Variants in CFDP1 observed in about 807,000 individuals in gnomAD.
CFDP1 encodes heterochromatin-stabilizing protein CFDP1.
Under a neutral mutation model 40.1 loss-of-function variants are expected in CFDP1, and 31 were observed. The ratio of observed to expected loss-of-function variants is 0.77; its 90% confidence interval spans 0.58 to 1.04. The LOEUF (loss-of-function observed/expected upper bound fraction) is 1.04, where lower values mean the gene tolerates loss of function less well. Ranked by LOEUF, CFDP1 falls within the 50% of genes least tolerant of loss-of-function variation. The pLI, the probability that CFDP1 is intolerant of heterozygous loss-of-function variation, is 0.00. For synonymous variants in CFDP1, 167 were observed against 120.0 expected (o/e 1.39, Z -2.56); for missense variants, 423 against 343.4 (o/e 1.23, Z -1.83).
intron 5 of CFDP1, among the ~76,000 whole-genome samples, chr16:75,317,664 C>T (rs137868387): frequency 1.9e-3 from 296 of 152,310 alleles, no homozygotes; most frequent in African/African-American, 6.5e-3. Flanking sequence ...CAGCTTCTAA[C>T]AAAGACCATA....
At chr16:75,432,110 C>T (rs938736089) in intron 1 of CFDP1, among the ~76,000 whole-genome samples, 1 of 151,130 alleles carries the variant, frequency 6.6e-6, no homozygotes, top group African/African-American at 2.4e-5. Context: ...CGGGGTTTTA[C>T]CATGTTGTCC....
chr16:75,399,056 CAAAAAA>C (rs58692180), intron 4 of CFDP1, among the ~76,000 whole-genome samples: 1 of 98,062 alleles, frequency 1.0e-5, no homozygotes. Context: ...GACTCCGTCT[CAAAAAA>C]AAAAAAAAAA....
intron 5 of CFDP1, among the ~76,000 whole-genome samples, chr16:75,392,780 C>G (rs1200278036): frequency 2.6e-5 from 4 of 152,212 alleles, no homozygotes; most frequent in Non-Finnish European, 5.9e-5. Flanking sequence ...TTATTCCAAA[C>G]CACAGCTTAC....
At chr16:75,410,640 G>A (rs1231522409) in intron 4 of CFDP1, among the ~76,000 whole-genome samples, 2 of 151,914 alleles carry the variant, frequency 1.3e-5, no homozygotes, top group Non-Finnish European at 2.9e-5. Context: ...CAGGCACGGT[G>A]GATCACACCT....
At chr16:75,409,757 T>C (rs548769212) in intron 4 of CFDP1, among the ~76,000 whole-genome samples, 2 of 152,154 alleles carry the variant, frequency 1.3e-5, no homozygotes, top group South Asian at 4.1e-4. Context: ...AACCCAGATA[T>C]AGATGGTGAG....
chr16:75,409,633 G>A (rs780978387), intron 4 of CFDP1, among the ~76,000 whole-genome samples: 5 of 151,992 alleles, frequency 3.3e-5, no homozygotes, highest in African/African-American at 1.2e-4. Context: ...GAGTTATATC[G>A]TGCTACAATG....
chr16:75,416,160 G>C (rs2079202985), intron 1 of CFDP1, among the ~76,000 whole-genome samples: 1 of 152,014 alleles, frequency 6.6e-6, no homozygotes, highest in Admixed American at 6.6e-5. Flanking sequence ...CCTCCAATCA[G>C]CTTTTAAATA....
chr16:75,431,471 AAAAAAAG>A lies in CFDP1; in HGVS notation c.64+1811_64+1817del, dbSNP rs1290130396. Among the ~76,000 whole-genome samples, 279 of 148,866 alleles carry A rather than the reference AAAAAAAG, an allele frequency of 1.9e-3. 1 individual carries two copies. The highest frequency in any genetic ancestry group is 6.4e-3 in the African/African-American group (256 of 40,268). On this transcript the variant is annotated intron_variant, in intron 1 of 6. Transcript: ENST00000283882. ...TCTTGTCTCAAAAAAAAAAAAAAAA[AAAAAAAG>A]AAAAGAAAAGAAAATCGATCGGGTG... is the stretch of plus-strand genomic sequence containing the variant.
intron 5 of CFDP1, among the ~76,000 whole-genome samples, chr16:75,317,976 C>G (rs185959000): frequency 5.9e-5 from 9 of 152,010 alleles, no homozygotes; most frequent in Admixed American, 4.6e-4. Flanking sequence ...AAAAAATTGG[C>G]CAAGCATGGT....
intron 5 of CFDP1, among the ~76,000 whole-genome samples, chr16:75,343,603 TG>T (rs1206554208): frequency 6.6e-6 from 1 of 152,238 alleles, no homozygotes; most frequent in East Asian, 1.9e-4. Context: ...TCAGGGCACC[TG>T]GGGAAGCCTG....
At chr16:75,409,218 C>G (rs2079133611) in intron 4 of CFDP1, 1 of 152,166 alleles carries the variant, frequency 6.6e-6, no homozygotes, top group Non-Finnish European at 1.5e-5. Context: ...ATTAACACTT[C>G]CAATGAACAG....
intron 5 of CFDP1, among the ~76,000 whole-genome samples, chr16:75,343,870 G>A (rs1324882925): frequency 6.6e-6 from 1 of 152,142 alleles, no homozygotes; most frequent in African/African-American, 2.4e-5. Context: ...TGAGTAGACG[G>A]GGCAATACAT....
At chr16:75,388,085 G>A (rs2078915169) in intron 5 of CFDP1, among the ~76,000 whole-genome samples, 1 of 152,228 alleles carries the variant, frequency 6.6e-6, no homozygotes. Context: ...CCAGGCTTTG[G>A]TCTCAAATAG....
intron 4 of CFDP1, 87 bp downstream of exon 4, chr16:75,411,738 G>T: frequency 3.1e-6 from 4 of 1,298,076 alleles, no homozygotes; most frequent in Non-Finnish European, 4.3e-6. Flanking sequence ...ATGATGGATT[G>T]AAAAGAGGAT....
chr16:75,324,042 T>A (rs909033443), intron 5 of CFDP1, among the ~76,000 whole-genome samples: 1 of 152,210 alleles, frequency 6.6e-6, no homozygotes, highest in Non-Finnish European at 1.5e-5. Context: ...TCAGCCCTTA[T>A]CGTTGAGTGC....
chr16:75,422,241 C>T lies in CFDP1; in HGVS notation c.65-7546G>A, dbSNP rs569767768. On this transcript the variant is annotated intron_variant, in intron 1 of 6. Transcript: ENST00000283882. ...CCTCCCAAGTAGCTGGGATTACAGG[C>T]GCTTGCCACCACACCCGGCTAATTT... 5.9e-5 allele frequency among the ~76,000 whole-genome samples: 9 copies of T among 151,858 alleles called. No individual in the cohort carries two copies. In the South Asian group the frequency reaches 1.0e-3, roughly 18 times the overall value.
At chr16:75,370,038 G>T (rs924800286) in intron 5 of CFDP1, among the ~76,000 whole-genome samples, 3 of 151,534 alleles carry the variant, frequency 2.0e-5, no homozygotes, top group African/African-American at 7.3e-5. Context: ...CTCTCAAAGT[G>T]TTGGGATTAC....
At chr16:75,308,806 T>C (rs1192089503) in intron 5 of CFDP1, among the ~76,000 whole-genome samples, 1 of 152,198 alleles carries the variant, frequency 6.6e-6, no homozygotes, top group Non-Finnish European at 1.5e-5. Context: ...GCCATCTTAT[T>C]GACGAATTAC....
At chr16:75,315,709 G>C (rs2078319928) in intron 5 of CFDP1, among the ~76,000 whole-genome samples, 1 of 151,970 alleles carries the variant, frequency 6.6e-6, no homozygotes, top group Admixed American at 6.6e-5. Context: ...TTACTTTTTT[G>C]TGGCCGTGTG....
Sources: gnomAD v4.1 joint callset for allele counts (sites outside exome capture counted in the v4.1 genomes callset) on GRCh38, gnomAD v4.1.1 for gene constraint, MANE v1.5 for transcripts, NCBI Gene and HGNC (gene_info 2026-07-23, HGNC 2026-07-21) for gene names.